DIAPH2: variants seen among roughly 807,000 people sequenced by gnomAD.
DIAPH2 encodes the protein diaphanous related formin 2, also known as protein diaphanous homolog 2.
Under a neutral mutation model 92.7 loss-of-function variants are expected in DIAPH2, and 35 were observed. That is an observed-to-expected ratio of 0.38 (90% confidence interval 0.29 to 0.50). The LOEUF (loss-of-function observed/expected upper bound fraction) is 0.50. Among genes scored for constraint, DIAPH2 ranks in the 20% least tolerant of loss-of-function variants. DIAPH2 has a pLI of 0.94. For synonymous variants in DIAPH2, 301 were observed against 280.4 expected (o/e 1.07, Z -0.73); for missense variants, 701 against 819.5 (o/e 0.86, Z 1.77).
At chrX:96,823,254 A>G (rs2064790306) in intron 4 of DIAPH2, among the ~76,000 whole-genome samples, 1 of 111,604 alleles carries the variant, frequency 9.0e-6, no homozygotes, top group African/African-American at 3.2e-5. Context: ...AAATTGTCCT[A>G]ATGAAGCAGA....
rs187877790 is a variant in DIAPH2 at position 97,117,791 on chromosome X, A to G, written c.2589+2826A>G. On this transcript the variant is annotated intron_variant, in intron 21 of 26. Coordinates refer to ENST00000324765, the MANE Select transcript of DIAPH2 (RefSeq NM_006729.5). ...TTGTAATTACTACCTTCACCACAAA[A>G]TGCTTTGTTAATTTGCAGCAGTGAA... Among the ~76,000 whole-genome samples, 341 of 112,031 alleles carry G rather than the reference A, an allele frequency of 3.0e-3. 1 individual carries two copies. The highest frequency in any genetic ancestry group is 5.4e-3 in the Non-Finnish European group (285 of 53,177).
chrX:96,791,530 CTT>C (rs10716008), intron 4 of DIAPH2, among the ~76,000 whole-genome samples: 14,812 of 91,565 alleles, frequency 0.16, 3,183 homozygotes, highest in African/African-American at 0.55. Context: ...AGTGAGACTC[CTT>C]TTTTTTTTTT....
chrX:96,709,598 G>A (rs1039902686), intron 1 of DIAPH2, among the ~76,000 whole-genome samples: 5 of 112,012 alleles, frequency 4.5e-5, no homozygotes, highest in Admixed American at 2.8e-4. Context: ...ATTGATAAAT[G>A]TGTATTTTGA....
chrX:97,444,442 G>T (rs2070290010), intron 26 of DIAPH2, among the ~76,000 whole-genome samples: 1 of 111,621 alleles, frequency 9.0e-6, no homozygotes, highest in Admixed American at 9.5e-5. Context: ...ATTGTGCATG[G>T]ATTTCATTTT....
chrX:97,340,027 G>A (rs1190120338), intron 23 of DIAPH2, among the ~76,000 whole-genome samples: 1 of 111,549 alleles, frequency 9.0e-6, no homozygotes, highest in African/African-American at 3.3e-5. Flanking sequence ...TTAAACAGAT[G>A]GGAAGAGGTC....
chrX:97,369,766 G>A (rs1245794583), intron 24 of DIAPH2, among the ~76,000 whole-genome samples: 1 of 111,156 alleles, frequency 9.0e-6, no homozygotes, highest in Non-Finnish European at 1.9e-5. Flanking sequence ...GTTCTGACTG[G>A]CAATCAAGAA....
At chrX:97,539,316 A>G (rs1304752917) in intron 26 of DIAPH2, among the ~76,000 whole-genome samples, 1 of 108,192 alleles carries the variant, frequency 9.2e-6, no homozygotes, top group Non-Finnish European at 1.9e-5. Flanking sequence ...AGGTCTCCAC[A>G]GAAGGCCCAA....
chrX:97,120,978 T>C (rs908598419), intron 21 of DIAPH2, among the ~76,000 whole-genome samples: 4 of 112,140 alleles, frequency 3.6e-5, no homozygotes, highest in Admixed American at 9.5e-5. Flanking sequence ...TGGAAATCTG[T>C]AATCCACACA....
chrX:97,235,291 C>CAA (rs761606191), intron 22 of DIAPH2, among the ~76,000 whole-genome samples: 2 of 111,890 alleles, frequency 1.8e-5, no homozygotes, highest in African/African-American at 6.5e-5. Flanking sequence ...ATTTGGGTCT[C>CAA]AGAGAAGAAG....
At chrX:97,054,569 G>A (rs140743129) in intron 17 of DIAPH2, among the ~76,000 whole-genome samples, 40 of 111,569 alleles carry the variant, frequency 3.6e-4, no homozygotes, top group South Asian at 1.1e-3. Context: ...ATGTGTTCAG[G>A]TTGAGAAGGA....
intron 17 of DIAPH2, among the ~76,000 whole-genome samples, chrX:97,058,265 A>G (rs144072053): frequency 5.8e-4 from 65 of 111,554 alleles, no homozygotes; most frequent in African/African-American, 1.9e-3. Flanking sequence ...AGATAAACTT[A>G]CACAAAACTG....
chrX:97,033,756 C>T (rs2066392204), intron 17 of DIAPH2, among the ~76,000 whole-genome samples: 1 of 111,578 alleles, frequency 9.0e-6, no homozygotes, highest in Admixed American at 9.5e-5. Flanking sequence ...AATTTTCAAA[C>T]TCTAAATAAA....
chrX:97,505,045 T>C (rs2070823037), intron 26 of DIAPH2, among the ~76,000 whole-genome samples: 1 of 112,440 alleles, frequency 8.9e-6, no homozygotes, highest in Non-Finnish European at 1.9e-5. Context: ...TCTTTCCTAA[T>C]TGGAAATCTA....
chrX:96,811,459 G>A (rs1346134430), intron 4 of DIAPH2, among the ~76,000 whole-genome samples: 2 of 111,827 alleles, frequency 1.8e-5, no homozygotes, highest in Non-Finnish European at 3.8e-5. Context: ...CATGTCATCT[G>A]CAAACAGGGA....
chrX:97,413,579 G>A (rs1055825334), intron 25 of DIAPH2, among the ~76,000 whole-genome samples: 4 of 111,196 alleles, frequency 3.6e-5, no homozygotes, highest in African/African-American at 1.3e-4. Flanking sequence ...AAGAAAAAAG[G>A]GGTATTCAAT....
chrX:97,446,791 C>T (rs1409429496), intron 26 of DIAPH2, among the ~76,000 whole-genome samples: 1 of 108,505 alleles, frequency 9.2e-6, no homozygotes, highest in East Asian at 2.9e-4. Context: ...TACTACTTAA[C>T]TCCCATTCTT....
intron 26 of DIAPH2, among the ~76,000 whole-genome samples, chrX:97,518,990 TA>T (rs1224014981): frequency 8.9e-6 from 1 of 112,066 alleles, no homozygotes; most frequent in African/African-American, 3.2e-5. Context: ...CAAATCTACA[TA>T]AAGAATTTCT....
chrX:97,237,828 G>A (rs2068061090), intron 22 of DIAPH2, among the ~76,000 whole-genome samples: 2 of 110,868 alleles, frequency 1.8e-5, no homozygotes, highest in African/African-American at 3.3e-5. Context: ...TGATCCACCC[G>A]CCTCGGCCTC....
At chrX:97,150,368 C>T (rs751443571) in intron 22 of DIAPH2, among the ~76,000 whole-genome samples, 2 of 111,582 alleles carry the variant, frequency 1.8e-5, no homozygotes, top group South Asian at 3.8e-4. Context: ...AGATCATGGC[C>T]GTTTGGATTT....
Sources: gnomAD v4.1 joint callset for allele counts (sites outside exome capture counted in the v4.1 genomes callset) on GRCh38, gnomAD v4.1.1 for gene constraint, MANE v1.5 for transcripts, NCBI Gene and HGNC (gene_info 2026-07-23, HGNC 2026-07-21) for gene names.